The following FGF12 variants were observed in gnomAD, a reference collection of about 807,000 sequenced individuals.
FGF12 encodes the protein fibroblast growth factor 12B.
Under a neutral mutation model 23.6 loss-of-function variants are expected in FGF12, and 14 were observed. The ratio of observed to expected loss-of-function variants is 0.59; its 90% CI spans 0.39 to 0.93. The LOEUF is 0.93. FGF12 is among the 40% of genes least tolerant of loss of function. The probability of loss-of-function intolerance (pLI) is 0.00; values close to 1 mark genes in which losing one functional copy is unlikely to be tolerated. For synonymous variants in FGF12, 62 were observed against 77.3 expected (o/e 0.80, Z 1.04); for missense variants, 175 against 217.8 (o/e 0.80, Z 1.24).
intron 2 of FGF12, among the ~76,000 whole-genome samples, chr3:192,568,651 A>G (rs751126272): frequency 6.6e-6 from 1 of 152,090 alleles, no homozygotes; most frequent in Non-Finnish European, 1.5e-5. Context: ...TAGTTTTGAG[A>G]GTGTTTTTGT....
At chr3:192,568,972 C>G (rs1402969645) in intron 2 of FGF12, among the ~76,000 whole-genome samples, 1 of 152,126 alleles carries the variant, frequency 6.6e-6, no homozygotes, top group Admixed American at 6.5e-5. Context: ...GGCACACTTA[C>G]GTTGGTTCTC....
At chr3:192,407,385 T>C (rs1325856185) in intron 2 of FGF12, among the ~76,000 whole-genome samples, 2 of 151,480 alleles carry the variant, frequency 1.3e-5, no homozygotes, top group Non-Finnish European at 2.9e-5. Context: ...ATGAGAGGGG[T>C]TGGAAGAAAA....
rs566362038 is a variant in FGF12 at position 192,343,079 on chromosome 3, G to A, written c.125-7615C>T. ...ATTGTCTTTGGAACATGTAAATCCA[G>A]TATCTTTCCAAGTAACTTCTAAGGA... On this transcript the variant is annotated intron_variant, in intron 3 of 5. Coordinates refer to ENST00000445105, the MANE Select transcript of FGF12 (RefSeq NM_004113.6). 3.3e-4 allele frequency among the ~76,000 whole-genome samples: 50 copies of A among 152,226 alleles called. No homozygotes were observed. The South Asian group carries it at 0.01, about 31-fold the overall frequency.
At chr3:192,324,508 A>T (rs1264121041) in intron 4 of FGF12, among the ~76,000 whole-genome samples, 2 of 152,186 alleles carry the variant, frequency 1.3e-5, no homozygotes. Context: ...CTTTACGTGC[A>T]TCTTTCCATT....
chr3:192,318,044 CT>C (rs1716323187), intron 4 of FGF12, among the ~76,000 whole-genome samples: 2 of 152,324 alleles, frequency 1.3e-5, no homozygotes, highest in African/African-American at 2.4e-5. Flanking sequence ...GGGGTGCCCC[CT>C]AATGCAGGTA....
chr3:192,555,630 CAAAAAAAA>C (rs11289130), intron 2 of FGF12, among the ~76,000 whole-genome samples: 1 of 84,034 alleles, frequency 1.2e-5, no homozygotes, highest in Non-Finnish European at 2.3e-5. Context: ...TAAAAAGTAC[CAAAAAAAA>C]AAAAAAAAAA....
Position 192,360,592 on chromosome 3 carries a change from T to C in FGF12, c.14-54A>G. On this transcript the variant is annotated intron_variant, in intron 2 of 5. Transcript: ENST00000445105. This position sits in a 1 kb window ranked among gnomAD's most constrained non-coding sequence, Gnocchi z 4.3. ...TTATTTGGCTTACACAAATGCACAC[T>C]TACAGATTGTTAAAAACATCCTGTA... The C allele has an allele frequency of 8.5e-7, 1 of 1,180,358 alleles. No individual in the cohort carries two copies. Among genetic ancestry groups the C allele is most frequent in the Non-Finnish European group, 1.3e-6 (1 of 786,554 alleles). The allele number at this position is 1,180,358 out of a possible 1,614,324, so 73.1% of individuals were successfully genotyped here. A position where few individuals can be genotyped will look rare whatever the true frequency, so the allele number is the denominator to read the frequency against.
chr3:192,498,152 C>T (rs1386386680), intron 2 of FGF12, among the ~76,000 whole-genome samples: 1 of 152,162 alleles, frequency 6.6e-6, no homozygotes, highest in Non-Finnish European at 1.5e-5. Flanking sequence ...TGAATGATAA[C>T]TTGCTTTCAT....
intron 5 of FGF12, among the ~76,000 whole-genome samples, chr3:192,155,477 A>T (rs1714358896): frequency 6.6e-6 from 1 of 152,152 alleles, no homozygotes; most frequent in South Asian, 2.1e-4. Flanking sequence ...TTCTGAATGC[A>T]ATTGAAAGGT....
chr3:192,309,087 G>A (rs1316275395), intron 4 of FGF12, among the ~76,000 whole-genome samples: 2 of 152,112 alleles, frequency 1.3e-5, no homozygotes, highest in African/African-American at 2.4e-5. Context: ...CTCCATTTCT[G>A]GGTATCACAT....
intron 4 of FGF12, among the ~76,000 whole-genome samples, chr3:192,186,241 G>A (rs1479912814): frequency 2.6e-5 from 4 of 152,244 alleles, no homozygotes; most frequent in Admixed American, 6.5e-5. Context: ...AGGAAAATGC[G>A]AATACTTCTT....
chr3:192,394,004 CA>C (rs2108764233), intron 2 of FGF12, among the ~76,000 whole-genome samples: 1 of 152,328 alleles, frequency 6.6e-6, no homozygotes, highest in East Asian at 1.9e-4. Context: ...GTTCCTATGG[CA>C]TCCTATACTT....
chr3:192,561,895 T>C lies in FGF12; in HGVS notation c.13+165286A>G, dbSNP rs544500250. ...GAGAAGTTAAAACATGGCAAAATAA[T>C]AATAATAATAATAAAGAAAAAAAGA... On this transcript the variant is annotated intron_variant, in intron 2 of 5. Transcript: ENST00000445105. Among the ~76,000 whole-genome samples, 4 of 144,742 alleles carry C rather than the reference T, an allele frequency of 2.8e-5. No homozygotes were observed. In the South Asian group the frequency reaches 8.9e-4, roughly 32 times the overall value. 95.0% of individuals were successfully genotyped at this position (144,742 alleles called of 152,430 possible).
At chr3:192,350,416 G>A (rs1308986025) in intron 3 of FGF12, among the ~76,000 whole-genome samples, 1 of 151,986 alleles carries the variant, frequency 6.6e-6, no homozygotes, top group Non-Finnish European at 1.5e-5. Flanking sequence ...AAAACAAGTA[G>A]GTATATTAGA....
In FGF12 at chr3:192,599,560, C is replaced by T. The variant is rs189856349; in HGVS notation, c.13+127621G>A. ...ATGACAACCAATATTGTTATTGCCA[C>T]TATGTAAGTATTTCCAACGACCAGT... is the stretch of plus-strand genomic sequence containing the variant. On this transcript the variant is annotated intron_variant, in intron 2 of 5. Transcript: ENST00000445105. 1.8e-3 allele frequency among the ~76,000 whole-genome samples: 272 copies of T among 152,016 alleles called. 3 individuals are homozygous for T. The highest frequency in any genetic ancestry group is 0.016 in the Admixed American group (243 of 15,234).
intron 2 of FGF12, among the ~76,000 whole-genome samples, chr3:192,644,080 G>A (rs1282335205): frequency 2.6e-5 from 4 of 152,098 alleles, no homozygotes; most frequent in South Asian, 2.1e-4. Context: ...ATTAAGACTC[G>A]GGTCTTCTGG....
At chr3:192,725,887 T>C (rs940710943) in intron 2 of FGF12, among the ~76,000 whole-genome samples, 1 of 152,244 alleles carries the variant, frequency 6.6e-6, no homozygotes, top group Non-Finnish European at 1.5e-5. Context: ...AATATACTTA[T>C]AGACATGGAT....
At chr3:192,475,885 T>C (rs1723302784) in intron 2 of FGF12, among the ~76,000 whole-genome samples, 1 of 152,022 alleles carries the variant, frequency 6.6e-6, no homozygotes, top group Admixed American at 6.6e-5. Context: ...AGATAGATGA[T>C]AGATAGATAA....
chr3:192,724,543 A>G lies in FGF12; in HGVS notation c.13+2638T>C, dbSNP rs1301312406. Among the ~76,000 whole-genome samples, 5 of 152,174 alleles carry G rather than the reference A, an allele frequency of 3.3e-5. No individual in the cohort carries two copies. The East Asian group carries it at 7.7e-4, about 23-fold the overall frequency. ...AGAATCTCAAGCCCTTAAGATACGC[A>G]AGGCACAAATTCCGTCAGAGCTGCT... is the stretch of plus-strand genomic sequence containing the variant. On this transcript the variant is annotated intron_variant, in intron 2 of 5. Transcript: ENST00000445105.
Sources: gnomAD v4.1 joint callset for allele counts (sites outside exome capture counted in the v4.1 genomes callset) on GRCh38, gnomAD v4.1.1 for gene constraint, Gnocchi (gnomAD v3.1) non-coding constraint, MANE v1.5 for transcripts, NCBI Gene and HGNC (gene_info 2026-07-23, HGNC 2026-07-21) for gene names.